NHLRC2: variants seen among roughly 807,000 people sequenced by gnomAD.
NHLRC2 encodes the protein NHL repeat containing 2.
Under a neutral mutation model 68.1 loss-of-function variants are expected in NHLRC2, and 33 were observed. That is an observed-to-expected ratio of 0.48 (90% confidence interval 0.37 to 0.65). The LOEUF is 0.65. Among genes scored for constraint, NHLRC2 ranks in the 30% least tolerant of loss-of-function variants. NHLRC2 has a pLI of 0.00. For missense variants in NHLRC2, 761 were observed against 853.8 expected, an observed-to-expected ratio of 0.89 and a Z score of 1.35; for synonymous variants, 311 against 309.6, an observed-to-expected ratio of 1.00 and a Z score of -0.05.
intron 2 of NHLRC2, among the ~76,000 whole-genome samples, chr10:113,860,629 A>G (rs2134687592): frequency 6.6e-6 from 1 of 152,324 alleles, no homozygotes; most frequent in East Asian, 1.9e-4. Context: ...AGACTTTAAA[A>G]CACTGTCTTA....
At chr10:113,887,743 G>A (rs1019207243) in intron 5 of NHLRC2, among the ~76,000 whole-genome samples, 1 of 152,170 alleles carries the variant, frequency 6.6e-6, no homozygotes, top group Non-Finnish European at 1.5e-5. Context: ...CTGCACTGCA[G>A]CCTGGGCAAC....
In NHLRC2 at chr10:113,911,427, T is replaced by G. The variant is rs933712483; in HGVS notation, c.*2891T>G. 3.3e-5 allele frequency: 5 copies of G among 152,108 alleles called. No homozygotes were observed. The allele number at this position is 152,108 out of a possible 1,614,324, so 9.4% of individuals were successfully genotyped here. On this transcript the variant is annotated 3_prime_UTR_variant, in exon 11 of 11. Coordinates refer to ENST00000369301, the MANE Select transcript of NHLRC2 (RefSeq NM_198514.4). ...TTTTTCTTAACTGTTCTAATAATAT[T>G]TAGTTATAATATTATCAAACCTTCA...
At chr10:113,885,441 T>C (rs1276105469) in intron 5 of NHLRC2, among the ~76,000 whole-genome samples, 1 of 151,942 alleles carries the variant, frequency 6.6e-6, no homozygotes, top group African/African-American at 2.4e-5. Context: ...TAGAGAATTT[T>C]GAAATATTAA....
chr10:113,882,419 A>G (rs1030662385), intron 4 of NHLRC2, among the ~76,000 whole-genome samples: 1 of 151,684 alleles, frequency 6.6e-6, no homozygotes, highest in African/African-American at 2.4e-5. Context: ...GTGGCATCTC[A>G]TTGTGGTTTT....
At chr10:113,901,620 A>G (rs746834079) in intron 6 of NHLRC2, 46 bp from the exon 7 acceptor site, 10 of 1,189,940 alleles carry the variant, frequency 8.4e-6, no homozygotes, top group Admixed American at 7.4e-5. Context: ...TAAATTGCAC[A>G]CAATATACCA....
chr10:113,906,091 T>C (rs1013767667), intron 10 of NHLRC2, among the ~76,000 whole-genome samples: 3 of 152,204 alleles, frequency 2.0e-5, no homozygotes, highest in Non-Finnish European at 2.9e-5. Flanking sequence ...CTGGAAGTAT[T>C]ACATCAGTTG....
At chr10:113,888,606 C>T (rs1846103549) in intron 5 of NHLRC2, among the ~76,000 whole-genome samples, 2 of 152,080 alleles carry the variant, frequency 1.3e-5, no homozygotes, top group Non-Finnish European at 2.9e-5. Flanking sequence ...TATAAAGTGA[C>T]TTTTACAAAA....
chr10:113,903,762 A>C, intron 9 of NHLRC2, 26 bp downstream of exon 9: 1 of 1,312,468 alleles, frequency 7.6e-7, no homozygotes, highest in Non-Finnish European at 1.1e-6. Flanking sequence ...ATATAAGTTA[A>C]AGAATGTGGT....
chr10:113,879,470 C>G, intron 3 of NHLRC2, 104 bp from the exon 4 acceptor site: 1 of 1,031,604 alleles, frequency 9.7e-7, no homozygotes, highest in East Asian at 2.7e-5. Flanking sequence ...ATGGACATAC[C>G]ATTTTTTTAT....
rs571220300 is a variant in NHLRC2 at position 113,855,188 on chromosome 10, C to A, written c.178+138C>A. On this transcript the variant is annotated intron_variant, in intron 1 of 10. Coordinates refer to ENST00000369301, the MANE Select transcript of NHLRC2 (RefSeq NM_198514.4). ...GAGTGGCCCTTCGCCTAACTTGGGC[C>A]GCTGTTCGCGTGTTCTGCAATTCCC... 8.8e-5 allele frequency: 67 copies of A among 764,058 alleles called. 1 individual carries two copies. The South Asian group carries it at 1.1e-3, about 13-fold the overall frequency. The allele number at this position is 764,058 out of a possible 1,614,324, so 47.3% of individuals were successfully genotyped here. A position where few individuals can be genotyped will look rare whatever the true frequency, so the allele number is the denominator to read the frequency against.
rs1279100586 is a variant in NHLRC2 at position 113,916,111 on chromosome 10, G to A, written c.*7575G>A. On this transcript the variant is annotated 3_prime_UTR_variant, in exon 11 of 11. Coordinates refer to ENST00000369301, the MANE Select transcript of NHLRC2 (RefSeq NM_198514.4). ...TCTGTTTTTAGAATTTGTAGTCACT[G>A]TTCTTAGTGCCACTGGAAATATATT... The A allele has an allele frequency of 1.3e-5, 2 of 152,312 alleles. No individual in the cohort carries two copies. Among genetic ancestry groups the A allele is most frequent in the Non-Finnish European group, 2.9e-5 (2 of 68,022 alleles). The allele number at this position is 152,312 out of a possible 1,614,324, so 9.4% of individuals were successfully genotyped here.
intron 2 of NHLRC2, among the ~76,000 whole-genome samples, chr10:113,864,694 TA>T (rs71007440): frequency 0.68 from 95,122 of 140,448 alleles, 33,608 homozygotes; most frequent in East Asian, 0.84. Flanking sequence ...AGACTCCGTC[TA>T]AAAAAAAAAA....
intron 2 of NHLRC2, among the ~76,000 whole-genome samples, chr10:113,864,892 C>G (rs1482774976): frequency 1.3e-5 from 2 of 151,400 alleles, no homozygotes; most frequent in Non-Finnish European, 2.9e-5. Context: ...ATCTTGAAAT[C>G]AGCCATAGTG....
At chr10:113,903,863 G>C in intron 9 of NHLRC2, 127 bp downstream of exon 9, 1 of 634,086 alleles carries the variant, frequency 1.6e-6, no homozygotes, top group East Asian at 2.9e-5. Context: ...TGCTTCTGTT[G>C]TATTCTTTGA....
chr10:113,857,329 T>C (rs1267989029), intron 1 of NHLRC2, among the ~76,000 whole-genome samples: 13 of 152,132 alleles, frequency 8.5e-5, no homozygotes, highest in Admixed American at 6.5e-4. Context: ...GTCTGAAGTT[T>C]TGTATGATCA....
At chr10:113,894,242 G>A (rs1589545893) in intron 5 of NHLRC2, among the ~76,000 whole-genome samples, 2 of 152,074 alleles carry the variant, frequency 1.3e-5, no homozygotes, top group African/African-American at 4.8e-5. Flanking sequence ...TTACCCATAA[G>A]GTCCTAACAT....
rs372063050 is a variant in NHLRC2 at position 113,868,501 on chromosome 10, C to G, written c.332-8020C>G. On this transcript the variant is annotated intron_variant, in intron 2 of 10. Coordinates refer to ENST00000369301, the MANE Select transcript of NHLRC2 (RefSeq NM_198514.4). Reference sequence around the variant, plus strand: ...TTGGCAATTGTGTTTGTACGTAGATCAATATAGATCTCCTATTTGGACAAT... The same window carrying G: ...TTGGCAATTGTGTTTGTACGTAGATGAATATAGATCTCCTATTTGGACAAT... Among the ~76,000 whole-genome samples, 57 of 152,246 alleles carry G rather than the reference C, an allele frequency of 3.7e-4. 1 individual carries two copies. In the East Asian group the frequency reaches 4.6e-3, roughly 12 times the overall value.
intron 2 of NHLRC2, 55 bp downstream of exon 2, chr10:113,858,735 A>T: frequency 7.7e-7 from 1 of 1,302,650 alleles, no homozygotes; most frequent in Non-Finnish European, 1.1e-6. Flanking sequence ...TCACTGGAAG[A>T]GTGGCTGACT....
rs59697946 is a variant in NHLRC2 at position 113,865,597 on chromosome 10, C to CT, written c.331+6933dup. Among the ~76,000 whole-genome samples the CT allele has an allele frequency of 6.0e-3, 655 of 108,408 alleles. 2 individuals are homozygous for CT. The highest frequency in any genetic ancestry group is 0.042 in the South Asian group (139 of 3,332). 71.1% of individuals were successfully genotyped at this position (108,408 alleles called of 152,430 possible). On this transcript the variant is annotated intron_variant, in intron 2 of 10. Coordinates refer to ENST00000369301, the MANE Select transcript of NHLRC2 (RefSeq NM_198514.4). The stretch of plus-strand genomic sequence containing the variant: ...TTTTTTTTTTTTAATATAACTTCGA[C>CT]TTTTTTTTTTTTTTTTAGTTTAAGT...
Sources: allele counts gnomAD v4.1 joint callset (sites outside exome capture counted in the v4.1 genomes callset), GRCh38; gene constraint gnomAD v4.1.1; transcripts MANE v1.5; gene names NCBI Gene and HGNC (gene_info 2026-07-23, HGNC 2026-07-21).